The following CACNA2D1 variants were observed in gnomAD, a reference collection of about 807,000 sequenced individuals.
CACNA2D1 encodes calcium voltage-gated channel auxiliary subunit alpha2delta 1, also known as voltage-dependent calcium channel subunit alpha-2/delta-1.
Under a neutral mutation model 171.5 loss-of-function variants are expected in CACNA2D1, and 53 were observed. The observed-to-expected ratio is 0.31, with a 90% CI of 0.25 to 0.39. The LOEUF (loss-of-function observed/expected upper bound fraction) is 0.39, where lower values mean the gene tolerates loss of function less well. Ranked by LOEUF, CACNA2D1 falls within the 10% of genes least tolerant of loss-of-function variation. The pLI is 1.00. For missense variants in CACNA2D1, 903 were observed against 1,299.8 expected (o/e 0.69, Z 4.69); for synonymous variants, 442 against 443.1 (o/e 1.00, Z 0.03).
At chr7:82,081,449 A>G (rs1809762007) in intron 7 of CACNA2D1, among the ~76,000 whole-genome samples, 1 of 152,214 alleles carries the variant, frequency 6.6e-6, no homozygotes, top group South Asian at 2.1e-4. Context: ...CATTACTGTC[A>G]TAAAGAGCAA....
intron 1 of CACNA2D1, among the ~76,000 whole-genome samples, chr7:82,362,756 T>C (rs773874077): frequency 2.0e-5 from 3 of 152,212 alleles, no homozygotes; most frequent in Non-Finnish European, 4.4e-5. Context: ...TTTCTCCAAT[T>C]ACTGCAAGTA....
chr7:82,216,476 G>C (rs2129237194), intron 3 of CACNA2D1, among the ~76,000 whole-genome samples: 1 of 152,088 alleles, frequency 6.6e-6, no homozygotes, highest in Non-Finnish European at 1.5e-5. Flanking sequence ...AATCTTTCTG[G>C]ACAGAGTAAT....
intron 1 of CACNA2D1, among the ~76,000 whole-genome samples, chr7:82,408,887 A>G (rs1011004556): frequency 2.0e-5 from 3 of 152,224 alleles, no homozygotes; most frequent in Non-Finnish European, 4.4e-5. Context: ...TTAAGCTACC[A>G]ACAAAGCTTC....
intron 3 of CACNA2D1, among the ~76,000 whole-genome samples, chr7:82,282,707 G>A (rs3757632): frequency 1.6e-4 from 11 of 67,598 alleles, no homozygotes; most frequent in South Asian, 4.0e-4. Flanking sequence ...TAAAATGTGG[G>A]GGGGGGAATC....
chr7:82,215,932 T>G (rs1218918120), intron 3 of CACNA2D1, among the ~76,000 whole-genome samples: 1 of 152,144 alleles, frequency 6.6e-6, no homozygotes, highest in Non-Finnish European at 1.5e-5. Context: ...GAAAAATATT[T>G]CCCAGAATCC....
chr7:82,086,248 C>T (rs540497044), intron 6 of CACNA2D1, among the ~76,000 whole-genome samples: 35 of 152,188 alleles, frequency 2.3e-4, no homozygotes, highest in Middle Eastern at 3.4e-3. Flanking sequence ...ACAAGATGCA[C>T]GGCCTATGTG....
chr7:82,319,919 C>T lies in CACNA2D1; in HGVS notation c.294+15216G>A, dbSNP rs1488575080. 2.0e-5 allele frequency among the ~76,000 whole-genome samples: 3 copies of T among 152,154 alleles called. 1 individual carries two copies. The highest frequency in any genetic ancestry group is 1.5e-5 in the Non-Finnish European group (1 of 68,034). On this transcript the variant is annotated intron_variant, in intron 3 of 38. Transcript: ENST00000356860. ...TTTGCTCTTAACTGGGCCTTGACAGCGTCAGCTCCCGTAGAATACAAGGAC... is the reference window on the plus strand; with the variant it reads ...TTTGCTCTTAACTGGGCCTTGACAGTGTCAGCTCCCGTAGAATACAAGGAC...
chr7:82,167,552 C>T (rs528957752), intron 4 of CACNA2D1, among the ~76,000 whole-genome samples: 1 of 152,212 alleles, frequency 6.6e-6, no homozygotes, highest in Admixed American at 6.5e-5. Flanking sequence ...AAAACGACCA[C>T]TATCTAAACC....
rs114921529 is a variant in CACNA2D1, at chr7:82,176,014, A to T, written c.295-5405T>A. Reference sequence around the variant, plus strand: ...GCTCTGGTCTATAAAACCATAGGGTAACCAAAAGCATATGCAATTCAGGGA... The same window carrying T: ...GCTCTGGTCTATAAAACCATAGGGTTACCAAAAGCATATGCAATTCAGGGA... On this transcript the variant is annotated intron_variant, in intron 3 of 38. Coordinates refer to ENST00000356860, the MANE Select transcript of CACNA2D1 (RefSeq NM_000722.4). 3.8e-3 allele frequency among the ~76,000 whole-genome samples: 574 copies of T among 152,124 alleles called. 2 individuals are homozygous for T. The highest frequency in any genetic ancestry group is 0.012 in the African/African-American group (514 of 41,538).
intron 1 of CACNA2D1, among the ~76,000 whole-genome samples, chr7:82,404,452 G>A (rs1220095154): frequency 6.6e-6 from 1 of 152,174 alleles, no homozygotes; most frequent in East Asian, 1.9e-4. Flanking sequence ...GTTCAAATAA[G>A]TTAGGGAAGA....
At chr7:82,430,009 C>A (rs867038992) in intron 1 of CACNA2D1, among the ~76,000 whole-genome samples, 3 of 152,070 alleles carry the variant, frequency 2.0e-5, no homozygotes, top group Non-Finnish European at 4.4e-5. Flanking sequence ...AAATTTAAGT[C>A]AATTCTAATA....
chr7:82,087,002 G>A (rs1056808641), intron 6 of CACNA2D1, among the ~76,000 whole-genome samples: 10 of 152,014 alleles, frequency 6.6e-5, no homozygotes, highest in African/African-American at 2.2e-4. Flanking sequence ...CATTACTAAG[G>A]TAGATTTCAA....
intron 24 of CACNA2D1, among the ~76,000 whole-genome samples, chr7:81,977,757 A>C (rs1348545297): frequency 2.0e-5 from 3 of 152,214 alleles, no homozygotes; most frequent in African/African-American, 7.2e-5. Flanking sequence ...AATTAAACTA[A>C]AGAGTTTCTG....
At chr7:81,963,232 T>A (rs1021557109) in intron 34 of CACNA2D1, among the ~76,000 whole-genome samples, 2 of 151,980 alleles carry the variant, frequency 1.3e-5, no homozygotes, top group Non-Finnish European at 2.9e-5. Context: ...TCTCAAAATT[T>A]TAAAATCTTT....
chr7:82,197,930 C>T (rs1280228639), intron 3 of CACNA2D1, among the ~76,000 whole-genome samples: 1 of 151,794 alleles, frequency 6.6e-6, no homozygotes, highest in Non-Finnish European at 1.5e-5. Flanking sequence ...ATATGTCTAC[C>T]TGGAATAAAG....
intron 1 of CACNA2D1, among the ~76,000 whole-genome samples, chr7:82,438,000 G>A (rs1462916639): frequency 6.6e-5 from 10 of 152,086 alleles, no homozygotes; most frequent in Non-Finnish European, 8.8e-5. Flanking sequence ...CATTTCAAAT[G>A]GTATAGTTTC....
intron 27 of CACNA2D1, 113 bp downstream of exon 27, chr7:81,970,562 A>G (rs1004498757): frequency 1.2e-5 from 9 of 748,252 alleles, no homozygotes; most frequent in African/African-American, 8.6e-5. Context: ...GCTCCAATGT[A>G]ATCTAATGGC....
intron 38 of CACNA2D1, among the ~76,000 whole-genome samples, chr7:81,955,258 C>A (rs551998653): frequency 3.0e-4 from 45 of 152,164 alleles, no homozygotes; most frequent in African/African-American, 1.1e-3. Context: ...GATTATACTA[C>A]CATTCTACCT....
At chr7:82,149,794 C>CA (rs1198994288) in intron 4 of CACNA2D1, among the ~76,000 whole-genome samples, 2,609 of 132,846 alleles carry the variant, frequency 0.02, 85 homozygotes, top group African/African-American at 0.059. Context: ...AAACAAACAA[C>CA]AAAAAAAAAA....
Sources: gnomAD v4.1 joint callset for allele counts (sites outside exome capture counted in the v4.1 genomes callset) on GRCh38, gnomAD v4.1.1 for gene constraint, MANE v1.5 for transcripts, NCBI Gene and HGNC (gene_info 2026-07-23, HGNC 2026-07-21) for gene names.